Variants in WDR41 observed in about 807,000 individuals in gnomAD.
WDR41 encodes WD repeat-containing protein 41.
In WDR41, 63 loss-of-function variants were observed where a neutral mutation model predicts 69.3. The ratio of observed to expected loss-of-function variants is 0.91; its 90% CI spans 0.74 to 1.12. The LOEUF (loss-of-function observed/expected upper bound fraction) is 1.12. WDR41 is among the 50% of genes most tolerant of loss of function. The pLI, the probability that WDR41 is intolerant of heterozygous loss-of-function variation, is 0.00. For synonymous variants in WDR41, 185 were observed against 192.1 expected (o/e 0.96, Z 0.31); for missense variants, 543 against 534.5 (o/e 1.02, Z -0.16).
At chr5:77,476,546 A>G (rs1282648186) in intron 2 of WDR41, among the ~76,000 whole-genome samples, 1 of 151,688 alleles carries the variant, frequency 6.6e-6, no homozygotes, top group African/African-American at 2.4e-5. Context: ...AGAATTTTCA[A>G]CCCAGAATTT....
intron 2 of WDR41, among the ~76,000 whole-genome samples, chr5:77,478,441 A>G (rs1043026219): frequency 7.2e-5 from 11 of 152,210 alleles, no homozygotes; most frequent in Admixed American, 6.5e-4. Flanking sequence ...ATAATGGCAA[A>G]CCGAATCCAG....
At chr5:77,472,007 T>G (rs1286966599) in intron 2 of WDR41, among the ~76,000 whole-genome samples, 2 of 152,140 alleles carry the variant, frequency 1.3e-5, no homozygotes, top group South Asian at 4.1e-4. Context: ...TGATGAACAT[T>G]GATGCAGAAA....
At chr5:77,455,297 T>G (rs919186463) in intron 5 of WDR41, among the ~76,000 whole-genome samples, 3 of 152,230 alleles carry the variant, frequency 2.0e-5, no homozygotes, top group Admixed American at 2.0e-4. Flanking sequence ...AGAAATTTCT[T>G]TCTTTCAAAT....
At chr5:77,458,735 T>C (rs1168202923) in intron 5 of WDR41, 1 of 179,912 alleles carries the variant, frequency 5.6e-6, no homozygotes, top group Non-Finnish European at 1.2e-5. Flanking sequence ...AAATTCAAAG[T>C]ATAAAGAAAA....
At chr5:77,477,262 C>G (rs1800984536) in intron 2 of WDR41, among the ~76,000 whole-genome samples, 1 of 150,950 alleles carries the variant, frequency 6.6e-6, no homozygotes, top group Non-Finnish European at 1.5e-5. Flanking sequence ...TTAGACAGAT[C>G]AACGAGACAG....
At chr5:77,444,651 A>G (rs1799305410) in intron 8 of WDR41, among the ~76,000 whole-genome samples, 1 of 152,304 alleles carries the variant, frequency 6.6e-6, no homozygotes, top group Middle Eastern at 3.4e-3. Context: ...TTCATTGGTA[A>G]TGGGTGAGGA....
intron 1 of WDR41, among the ~76,000 whole-genome samples, chr5:77,522,808 C>T (rs528972729): frequency 3.9e-5 from 6 of 151,976 alleles, no homozygotes; most frequent in Non-Finnish European, 8.8e-5. Flanking sequence ...TGAGCAAGGA[C>T]CAAATGTTTT....
At chr5:77,434,037 A>G (rs547567808) in intron 12 of WDR41, among the ~76,000 whole-genome samples, 2 of 152,174 alleles carry the variant, frequency 1.3e-5, no homozygotes, top group East Asian at 3.9e-4. Context: ...GGTGAAATAA[A>G]AGAGAAACAG....
At chr5:77,607,559 A>G (rs1332046526) in intron 1 of WDR41, among the ~76,000 whole-genome samples, 1 of 152,176 alleles carries the variant, frequency 6.6e-6, no homozygotes, top group Non-Finnish European at 1.5e-5. Flanking sequence ...CAACCTCTGG[A>G]CCCTGTGTCC....
At chr5:77,545,833 G>A (rs1042398658) in intron 1 of WDR41, 82 of 878,762 alleles carry the variant, frequency 9.3e-5, no homozygotes, top group African/African-American at 4.6e-4. Flanking sequence ...ACTGCCATCC[G>A]TGGGGCCATG....
chr5:77,440,584 T>C (rs897074498), intron 9 of WDR41, among the ~76,000 whole-genome samples: 14 of 152,186 alleles, frequency 9.2e-5, no homozygotes, highest in African/African-American at 2.9e-4. Context: ...AAAATTTCAA[T>C]AATTTTTAAA....
chr5:77,556,566 C>G (rs1743405926), intron 1 of WDR41, among the ~76,000 whole-genome samples: 1 of 152,154 alleles, frequency 6.6e-6, no homozygotes, highest in Non-Finnish European at 1.5e-5. Context: ...CGCCACCACA[C>G]CCAGCTAATT....
At chr5:77,511,026 G>C (rs184730620) in intron 1 of WDR41, among the ~76,000 whole-genome samples, 106 of 151,902 alleles carry the variant, frequency 7.0e-4, no homozygotes, top group Middle Eastern at 3.4e-3. Context: ...CAAAGTGCTG[G>C]GGTTACAGGT....
At chr5:77,617,840 A>G (rs953245384) in intron 1 of WDR41, among the ~76,000 whole-genome samples, 1 of 152,208 alleles carries the variant, frequency 6.6e-6, no homozygotes, top group African/African-American at 2.4e-5. Flanking sequence ...GACTGAGTGT[A>G]GGAATAGTCT....
chr5:77,579,328 A>G (rs1174442790), intron 1 of WDR41, among the ~76,000 whole-genome samples: 1 of 152,182 alleles, frequency 6.6e-6, no homozygotes, highest in Admixed American at 6.5e-5. Flanking sequence ...GATAAATTCA[A>G]AGAGATCTGT....
intron 2 of WDR41, among the ~76,000 whole-genome samples, chr5:77,470,971 A>G (rs147523078): frequency 0.083 from 12,692 of 152,226 alleles, 1,021 homozygotes; most frequent in African/African-American, 0.21. Context: ...AACAGAATAT[A>G]CATTCTTCTC....
chr5:77,527,784 T>A lies in WDR41; in HGVS notation c.43-38212A>T, dbSNP rs533113422. 2.2e-4 allele frequency among the ~76,000 whole-genome samples: 34 copies of A among 151,990 alleles called. No individual in the cohort carries two copies. The East Asian group carries it at 6.2e-3, about 28-fold the overall frequency. On this transcript the variant is annotated intron_variant, in intron 1 of 5. Coordinates refer to the WDR41 transcript ENST00000509971. The stretch of plus-strand genomic sequence containing the variant: ...ATCTAGGCTAAATGTCAATATTTTT[T>A]AAAACTTTAATATTTCCATCTATGT...
At chr5:77,454,688 C>T (rs1466452375) in intron 5 of WDR41, among the ~76,000 whole-genome samples, 6 of 152,112 alleles carry the variant, frequency 3.9e-5, no homozygotes, top group South Asian at 2.1e-4. Flanking sequence ...AGGGCAAGAG[C>T]GAGAGAGAAG....
intron 1 of WDR41, among the ~76,000 whole-genome samples, chr5:77,543,452 TA>T (rs555499513): frequency 6.6e-6 from 1 of 151,328 alleles, no homozygotes; most frequent in Non-Finnish European, 1.5e-5. Flanking sequence ...ATAGCATAAA[TA>T]AAAAAACAAT....
Sources: gnomAD v4.1 joint callset for allele counts (sites outside exome capture counted in the v4.1 genomes callset) on GRCh38, gnomAD v4.1.1 for gene constraint, MANE v1.5 for transcripts, NCBI Gene and HGNC (gene_info 2026-07-23, HGNC 2026-07-21) for gene names.